The following SCHIP1 variants were observed in gnomAD, a reference collection of about 807,000 sequenced individuals.
SCHIP1 encodes schwannomin-interacting protein 1.
A neutral mutation model predicts 29.7 loss-of-function variants in SCHIP1; 8 were observed. The observed-to-expected ratio is 0.27, with a 90% CI of 0.16 to 0.49. The LOEUF (loss-of-function observed/expected upper bound fraction) is 0.49. Among genes scored for constraint, SCHIP1 ranks in the 20% least tolerant of loss-of-function variants. SCHIP1 has a pLI of 0.99. For synonymous variants in SCHIP1, 76 were observed against 94.9 expected (o/e 0.80, Z 1.16); for missense variants, 193 against 294.6 (o/e 0.66, Z 2.52).
At chr3:159,366,411 G>A in the SCHIP1 span, among the ~76,000 whole-genome samples, 4 of 152,178 alleles carry the variant, frequency 2.6e-5, no homozygotes, top group Non-Finnish European at 5.9e-5. Flanking sequence ...GTATAGAACA[G>A]TTAGTAAGAA....
chr3:159,632,164 T>C, the SCHIP1 span, among the ~76,000 whole-genome samples: 124 of 152,214 alleles, frequency 8.1e-4, no homozygotes, highest in African/African-American at 2.8e-3. Context: ...ACTAGAAAAA[T>C]GTGGCTATGT....
At chr3:159,879,776 C>T (rs1249838705) in intron 2 of SCHIP1, among the ~76,000 whole-genome samples, 1 of 152,156 alleles carries the variant, frequency 6.6e-6, no homozygotes, top group African/African-American at 2.4e-5. Flanking sequence ...TTAGAACCAA[C>T]AGCCGTCTGA....
At chr3:159,730,201 G>A in the SCHIP1 span, among the ~76,000 whole-genome samples, 3 of 152,082 alleles carry the variant, frequency 2.0e-5, no homozygotes, top group Admixed American at 6.5e-5. Flanking sequence ...TAATGTTCAG[G>A]AAGTCCTAAT....
At chr3:159,757,673 A>G in the SCHIP1 span, among the ~76,000 whole-genome samples, 1 of 152,220 alleles carries the variant, frequency 6.6e-6, no homozygotes, top group Non-Finnish European at 1.5e-5. Flanking sequence ...AGACAATTTC[A>G]TACAACTCTG....
At chr3:159,651,895 G>T in the SCHIP1 span, among the ~76,000 whole-genome samples, 1 of 152,138 alleles carries the variant, frequency 6.6e-6, no homozygotes, top group South Asian at 2.1e-4. Flanking sequence ...AGGAGATCGA[G>T]ACCATTCTGG....
chr3:159,727,016 G>T, the SCHIP1 span, among the ~76,000 whole-genome samples: 1 of 152,108 alleles, frequency 6.6e-6, no homozygotes, highest in Non-Finnish European at 1.5e-5. Flanking sequence ...AGCCCATTGA[G>T]GACACCACCT....
chr3:159,732,138 G>T, the SCHIP1 span, among the ~76,000 whole-genome samples: 2 of 152,204 alleles, frequency 1.3e-5, no homozygotes, highest in Non-Finnish European at 1.5e-5. Context: ...GAGCCACCAC[G>T]CCTGGCCCCT....
chr3:159,336,468 T>C, the SCHIP1 span, among the ~76,000 whole-genome samples: 2 of 152,228 alleles, frequency 1.3e-5, no homozygotes, highest in Admixed American at 6.5e-5. Context: ...TAGGGTTTTA[T>C]GGTTTTAGGT....
At chr3:159,639,050 G>A in the SCHIP1 span, among the ~76,000 whole-genome samples, 12 of 151,866 alleles carry the variant, frequency 7.9e-5, no homozygotes, top group Non-Finnish European at 1.6e-4. Context: ...ATTCTCAACT[G>A]CTTATTAAAA....
chr3:159,759,345 T>C, the SCHIP1 span, among the ~76,000 whole-genome samples: 11 of 152,322 alleles, frequency 7.2e-5, no homozygotes, highest in East Asian at 2.1e-3. Context: ...CTAATAGAGA[T>C]AGATCTGGAT....
the SCHIP1 span, among the ~76,000 whole-genome samples, chr3:159,357,846 A>G: frequency 3.9e-5 from 6 of 152,340 alleles, no homozygotes; most frequent in East Asian, 5.8e-4. Context: ...GAGTCTTACC[A>G]TCTAGCAGGA....
the SCHIP1 span, among the ~76,000 whole-genome samples, chr3:159,824,619 C>T: frequency 6.6e-6 from 1 of 152,200 alleles, no homozygotes; most frequent in Admixed American, 6.5e-5. Context: ...AATTTATCAC[C>T]TTGACAGGCA....
At chr3:159,649,683 A>G in the SCHIP1 span, among the ~76,000 whole-genome samples, 1 of 152,226 alleles carries the variant, frequency 6.6e-6, no homozygotes, top group African/African-American at 2.4e-5. Flanking sequence ...AAATTGAACA[A>G]AATAGGTATG....
At chr3:159,749,362 A>T in the SCHIP1 span, among the ~76,000 whole-genome samples, 4 of 143,366 alleles carry the variant, frequency 2.8e-5, no homozygotes, top group African/African-American at 5.0e-5. Context: ...AAGAGAATTT[A>T]AAAAAAAAAA....
chr3:159,274,921 C>T, the SCHIP1 span: 1 of 903,736 alleles, frequency 1.1e-6, no homozygotes, highest in Non-Finnish European at 1.3e-6. Context: ...GTAGTAAATG[C>T]AATTTACTCA....
At chr3:159,794,471 G>A in the SCHIP1 span, among the ~76,000 whole-genome samples, 1 of 152,166 alleles carries the variant, frequency 6.6e-6, no homozygotes, top group Non-Finnish European at 1.5e-5. Flanking sequence ...TACTAATGCA[G>A]TGATTCTCAA....
At chr3:159,754,060 G>C in the SCHIP1 span, among the ~76,000 whole-genome samples, 1 of 123,954 alleles carries the variant, frequency 8.1e-6, no homozygotes, top group East Asian at 2.1e-4. Context: ...TCCTCCACTA[G>C]ACTTAAATCC....
the SCHIP1 span, chr3:159,764,812 C>T: frequency 6.3e-7 from 1 of 1,581,880 alleles, no homozygotes; most frequent in South Asian, 1.2e-5. The surrounding 1 kb of genome is among the most constrained non-coding windows in gnomAD (Gnocchi z 6.1). Context: ...CGCCATGCCG[C>T]CCCCGGTGCC....
At chr3:159,425,889 C>G in the SCHIP1 span, among the ~76,000 whole-genome samples, 106 of 152,334 alleles carry the variant, frequency 7.0e-4, no homozygotes, top group Non-Finnish European at 1.3e-3. Flanking sequence ...TTAAGAAACT[C>G]ACTCAAAACT....
Sources: allele counts gnomAD v4.1 joint callset (sites outside exome capture counted in the v4.1 genomes callset), GRCh38; gene constraint gnomAD v4.1.1; non-coding constraint Gnocchi (gnomAD v3.1); transcripts MANE v1.5; gene names NCBI Gene and HGNC (gene_info 2026-07-23, HGNC 2026-07-21).